The following FAM193A variants were observed in gnomAD, a reference collection of about 807,000 sequenced individuals.
FAM193A encodes family with sequence similarity 193 member A, also known as protein FAM193A.
A neutral mutation model predicts 126.5 loss-of-function variants in FAM193A; 22 were observed. The observed-to-expected ratio is 0.17, with a 90% CI of 0.12 to 0.25. The LOEUF (loss-of-function observed/expected upper bound fraction) is 0.25. Ranked by LOEUF, FAM193A falls within the 10% of genes least tolerant of loss-of-function variation. The pLI, the probability that FAM193A is intolerant of heterozygous loss-of-function variation, is 1.00. For synonymous variants in FAM193A, 761 were observed against 646.8 expected, an observed-to-expected ratio of 1.18 and a Z score of -2.68; for missense variants, 1,675 against 1,672.8, an observed-to-expected ratio of 1.00 and a Z score of -0.02.
intron 2 of FAM193A, among the ~76,000 whole-genome samples, chr4:2,602,810 A>G (rs996436027): frequency 1.4e-4 from 21 of 150,046 alleles, no homozygotes; most frequent in African/African-American, 5.2e-4. Context: ...ACAGGCGCCC[A>G]CCACCACGCC....
At chr4:2,684,448 A>G (rs1369441725) in intron 13 of FAM193A, among the ~76,000 whole-genome samples, 2 of 150,898 alleles carry the variant, frequency 1.3e-5, no homozygotes, top group Non-Finnish European at 2.9e-5. Flanking sequence ...TTCTTTAAGC[A>G]TTTCACACAT....
intron 2 of FAM193A, among the ~76,000 whole-genome samples, chr4:2,623,036 C>T (rs1199514160): frequency 6.6e-6 from 1 of 152,026 alleles, no homozygotes. Context: ...CACTGCTGTC[C>T]CGCACTCTGC....
At position 2,732,047 on chromosome 4, in the gene FAM193A, G is replaced by A. The variant is rs192014209; in HGVS notation, c.*179G>A. ...CGGCCCACGCCGTTAGCTCGTGTGC[G>A]TGTAGTCTGTGCGTGAGACTCCTTC... On this transcript the variant is annotated 3_prime_UTR_variant, in exon 21 of 21. Coordinates refer to ENST00000637812, the MANE Select transcript of FAM193A (RefSeq NM_001366318.2). 5.6e-5 allele frequency: 35 copies of A among 624,126 alleles called. No individual in the cohort carries two copies. The highest frequency in any genetic ancestry group is 3.4e-4 in the South Asian group (19 of 55,450). The allele number at this position is 624,126 out of a possible 1,614,324, so 38.7% of individuals were successfully genotyped here.
In FAM193A at chr4:2,646,760, G is replaced by A. The variant is rs1745185718; in HGVS notation, c.1239G>A (p.Glu413=). 1.9e-6 allele frequency: 3 copies of A among 1,614,130 alleles called. No homozygotes were observed. Among genetic ancestry groups the A allele is most frequent in the Non-Finnish European group, 2.5e-6 (3 of 1,179,978 alleles). The change falls in exon 7 of 21, where the codon GAG becomes GAA. Residue 413 remains glutamate, a synonymous_variant. Transcript: ENST00000637812. ...STLLQRYQRS[E]EELRRVAEEW... The stretch of plus-strand genomic sequence containing the variant: ...TGCTGCAGAGGTACCAGCGTTCCGA[G>A]GAGGAGCTGCGCAGAGTCGCCGAGG...
At chr4:2,606,683 T>C (rs1741569471) in intron 2 of FAM193A, among the ~76,000 whole-genome samples, 3 of 152,234 alleles carry the variant, frequency 2.0e-5, no homozygotes, top group Admixed American at 1.3e-4. Flanking sequence ...TGTAAAGTAT[T>C]GGTTTACTAA....
rs768734305 is a variant in FAM193A, at chr4:2,700,125, A to T, written c.3953A>T (p.His1318Leu). ...LLPKEVNGKQ[H>L]EPLSFFFDIM... ...CCCAAGGAGGTGAATGGGAAGCAGC[A>T]TGAGCCACTCTCTTTTTTCTTCGAC... Residue 1318 changes from histidine (H) to leucine (L), a missense_variant, in exon 19 of 21, where the codon CAT becomes CTT. This residue lies in a region of FAM193A where 415 missense variants were observed against 396.7 expected (regional missense o/e 1.05). Coordinates refer to ENST00000637812, the MANE Select transcript of FAM193A (RefSeq NM_001366318.2). The T allele has an allele frequency of 6.2e-7, 1 of 1,613,840 alleles. No individual in the cohort carries two copies. Among genetic ancestry groups the T allele is most frequent in the South Asian group, 1.1e-5 (1 of 91,040 alleles).
chr4:2,545,392 A>ATT (rs34669440), intron 1 of FAM193A, among the ~76,000 whole-genome samples: 42 of 149,834 alleles, frequency 2.8e-4, no homozygotes, highest in Middle Eastern at 3.4e-3. Flanking sequence ...GCAGTGGATC[A>ATT]TTTTTTTTTT....
chr4:2,553,582 T>C (rs755179056), intron 1 of FAM193A, among the ~76,000 whole-genome samples: 5 of 152,122 alleles, frequency 3.3e-5, no homozygotes, highest in African/African-American at 9.7e-5. Flanking sequence ...GGTTTCCCCA[T>C]GTTGGCCAGG....
At chr4:2,674,833 CAAAAAAAA>C (rs75774261) in intron 13 of FAM193A, among the ~76,000 whole-genome samples, 26,139 of 105,894 alleles carry the variant, frequency 0.25, 2,968 homozygotes, top group Middle Eastern at 0.37. Context: ...CTGTCTCTAC[CAAAAAAAA>C]AAAAAAAAAA....
At chr4:2,706,309 T>TA (rs1226491180) in intron 19 of FAM193A, among the ~76,000 whole-genome samples, 4 of 148,928 alleles carry the variant, frequency 2.7e-5, no homozygotes, top group African/African-American at 9.9e-5. Flanking sequence ...TTTTTTTTTT[T>TA]TTTTGAGACA....
At position 2,659,921 on chromosome 4, in the gene FAM193A, G is replaced by C; in HGVS notation, c.1612G>C (p.Ala538Pro). 2 of 1,614,140 alleles carry C rather than the reference G, an allele frequency of 1.2e-6. No individual in the cohort carries two copies. The highest frequency in any genetic ancestry group is 1.7e-6 in the Non-Finnish European group (2 of 1,180,030). Residue 538 changes from alanine (A) to proline (P), a missense_variant, in exon 10 of 21, where the codon GCT (alanine) becomes CCT (proline). Around this residue, in one of 4 missense-constraint regions of FAM193A, gnomAD observed 1,186 missense variants for 1,109.2 expected, o/e 1.07. Transcript: ENST00000637812. ...IHQLPLQVDP[A>P]PDYLAERSPP... ...CCAGCTCCCACTTCAAGTGGATCCT[G>C]CTCCTGACTATCTTGCTGAGAGGAG...
At chr4:2,690,579 T>G (rs1716257154) in intron 14 of FAM193A, 119 bp from the exon 15 acceptor site, 2 of 888,808 alleles carry the variant, frequency 2.3e-6, no homozygotes, top group Non-Finnish European at 3.5e-6. Context: ...GTCATCCCAG[T>G]GGGATCCTGA....
chr4:2,584,744 G>C (rs1740138740), intron 1 of FAM193A, among the ~76,000 whole-genome samples: 3 of 152,064 alleles, frequency 2.0e-5, no homozygotes, highest in Admixed American at 2.0e-4. Flanking sequence ...GGCCAACATA[G>C]TGAAACCCCA....
intron 18 of FAM193A, among the ~76,000 whole-genome samples, chr4:2,697,532 T>G (rs1375735743): frequency 6.6e-6 from 1 of 152,122 alleles, no homozygotes; most frequent in Non-Finnish European, 1.5e-5. Context: ...GTTCTGACAG[T>G]AGGACAGTGG....
intron 19 of FAM193A, 141 bp downstream of exon 19, chr4:2,700,685 G>C (rs760215283): frequency 2.3e-5 from 24 of 1,036,694 alleles, no homozygotes; most frequent in Middle Eastern, 3.2e-4. Context: ...GAGGGGCCAG[G>C]CATGGTGGCT....
chr4:2,550,316 T>A (rs1156785201), intron 1 of FAM193A, among the ~76,000 whole-genome samples: 1 of 150,948 alleles, frequency 6.6e-6, no homozygotes, highest in Admixed American at 6.6e-5. Context: ...AAAGTGCTGG[T>A]ATTACAGGCG....
At chr4:2,646,481 C>A (rs1291754527) in intron 6 of FAM193A, among the ~76,000 whole-genome samples, 4 of 152,090 alleles carry the variant, frequency 2.6e-5, no homozygotes, top group African/African-American at 9.7e-5. Context: ...TGAGCATCTC[C>A]TTTTTACAAG....
intron 2 of FAM193A, among the ~76,000 whole-genome samples, chr4:2,622,209 A>T (rs1742586886): frequency 7.6e-6 from 1 of 131,592 alleles, no homozygotes; most frequent in Non-Finnish European, 1.6e-5. Flanking sequence ...GTGAGCTGAG[A>T]TTGCACCACT....
intron 6 of FAM193A, among the ~76,000 whole-genome samples, chr4:2,641,076 T>C (rs1163863493): frequency 1.3e-5 from 2 of 151,830 alleles, no homozygotes; most frequent in Admixed American, 6.6e-5. Context: ...TGTCTTGCTC[T>C]GTCACCCAGG....
Sources: allele counts gnomAD v4.1 joint callset (sites outside exome capture counted in the v4.1 genomes callset), GRCh38; gene constraint gnomAD v4.1.1; regional missense constraint gnomAD v4.1.1; transcripts MANE v1.5; gene names NCBI Gene and HGNC (gene_info 2026-07-23, HGNC 2026-07-21).